Variants in GABBR2 observed in about 807,000 individuals in gnomAD.
GABBR2 encodes G-protein coupled receptor 51.
GABBR2 carries 23 observed loss-of-function variants against 105.6 expected under a neutral mutation model. That is an observed-to-expected ratio of 0.22 (90% CI 0.16 to 0.31). GABBR2 has a LOEUF of 0.31. Ranked by LOEUF, GABBR2 falls within the 10% of genes least tolerant of loss-of-function variation. The pLI is 1.00. For synonymous variants in GABBR2, 478 were observed against 499.7 expected, an observed-to-expected ratio of 0.96 and a Z score of 0.58; for missense variants, 734 against 1,245.5, an observed-to-expected ratio of 0.59 and a Z score of 6.18.
intron 13 of GABBR2, among the ~76,000 whole-genome samples, chr9:98,338,888 A>G (rs1831161451): frequency 2.0e-5 from 3 of 152,254 alleles, no homozygotes; most frequent in Admixed American, 6.5e-5. Context: ...CAAAATATCT[A>G]TGAAATGTTG....
chr9:98,383,018 G>GT (rs879906058), intron 11 of GABBR2, among the ~76,000 whole-genome samples: 2 of 151,988 alleles, frequency 1.3e-5, no homozygotes, highest in African/African-American at 4.8e-5. Context: ...TCGGCTCACT[G>GT]TAACCCCTGC....
chr9:98,489,473 C>T (rs1479991461), intron 4 of GABBR2, among the ~76,000 whole-genome samples: 1 of 152,232 alleles, frequency 6.6e-6, no homozygotes, highest in African/African-American at 2.4e-5. Context: ...CACAATCTTT[C>T]AGCTTTGCTT....
chr9:98,678,617 A>G (rs1420124883), intron 1 of GABBR2, among the ~76,000 whole-genome samples: 1 of 152,218 alleles, frequency 6.6e-6, no homozygotes, highest in Non-Finnish European at 1.5e-5. Context: ...AAACGGGATG[A>G]AATGAAATGT....
chr9:98,517,378 C>A (rs1044114642), intron 3 of GABBR2, among the ~76,000 whole-genome samples: 2 of 152,244 alleles, frequency 1.3e-5, no homozygotes, highest in East Asian at 3.9e-4. Context: ...CAAGAGAGTC[C>A]CTCTCCTGGC....
intron 1 of GABBR2, among the ~76,000 whole-genome samples, chr9:98,605,078 C>G (rs982536694): frequency 1.3e-5 from 2 of 152,234 alleles, no homozygotes; most frequent in Non-Finnish European, 2.9e-5. Flanking sequence ...AGACAAGATA[C>G]GTACATGGCA....
Position 98,388,756 on chromosome 9 carries a change from G to T in GABBR2, c.1529+98C>A. 1 of 986,268 alleles carries T rather than the reference G, an allele frequency of 1.0e-6. No homozygotes were observed. The highest frequency in any genetic ancestry group is 1.5e-6 in the Non-Finnish European group (1 of 666,268). The allele number at this position is 986,268 out of a possible 1,614,324, so 61.1% of individuals were successfully genotyped here. A position where few individuals can be genotyped will look rare whatever the true frequency, so the allele number is the denominator to read the frequency against. On this transcript the variant is annotated intron_variant, in intron 10 of 18. Transcript: ENST00000259455. The surrounding 1 kb of genome is among the most constrained non-coding windows in gnomAD (Gnocchi z 4.4). ...GGGAAACTCTGCCCTGCAGACTTCTGTGTCCCTGGGGAATCTGTCATGTGG... is the reference window on the plus strand; with the variant it reads ...GGGAAACTCTGCCCTGCAGACTTCTTTGTCCCTGGGGAATCTGTCATGTGG...
intron 1 of GABBR2, among the ~76,000 whole-genome samples, chr9:98,580,622 T>C (rs1828987432): frequency 6.6e-6 from 1 of 152,136 alleles, no homozygotes; most frequent in South Asian, 2.1e-4. Flanking sequence ...ACCCCGTCTC[T>C]ATTAAAAATA....
chr9:98,467,466 G>T, intron 6 of GABBR2, among the ~76,000 whole-genome samples: 1 of 152,198 alleles, frequency 6.6e-6, no homozygotes. Flanking sequence ...GAGCTTTGTG[G>T]GGGGTAGGGG....
At position 98,505,765 on chromosome 9, in the gene GABBR2, T is replaced by C. The variant is rs184395371; in HGVS notation, c.631-9251A>G. Among the ~76,000 whole-genome samples the C allele has an allele frequency of 1.7e-3, 254 of 152,314 alleles. 1 individual carries two copies. The highest frequency in any genetic ancestry group is 1.9e-3 in the Non-Finnish European group (132 of 68,024). On this transcript the variant is annotated intron_variant, in intron 3 of 18. Coordinates refer to ENST00000259455, the MANE Select transcript of GABBR2 (RefSeq NM_005458.8). The stretch of plus-strand genomic sequence containing the variant: ...GATGCATCTGCCGGCAAGGAGCACC[T>C]GGAGCCACCAGAAGCTGGGAGATGC...
chr9:98,496,752 C>G (rs1371314235), intron 3 of GABBR2, among the ~76,000 whole-genome samples: 1 of 152,198 alleles, frequency 6.6e-6, no homozygotes, highest in Non-Finnish European at 1.5e-5. Context: ...AGGGACTTTC[C>G]AAGATTGCCC....
intron 3 of GABBR2, among the ~76,000 whole-genome samples, chr9:98,539,688 T>A (rs1170893527): frequency 6.6e-6 from 1 of 151,794 alleles, no homozygotes; most frequent in Admixed American, 6.6e-5. Flanking sequence ...GAAGCTGAGG[T>A]GAGCAGATCA....
At chr9:98,694,551 G>A (rs1157525031) in intron 1 of GABBR2, among the ~76,000 whole-genome samples, 1 of 152,170 alleles carries the variant, frequency 6.6e-6, no homozygotes, top group Non-Finnish European at 1.5e-5. Context: ...TCCTTTATTA[G>A]GGGGTTAAAT....
intron 1 of GABBR2, among the ~76,000 whole-genome samples, chr9:98,675,775 G>A (rs12341571): frequency 6.6e-6 from 1 of 152,070 alleles, no homozygotes; most frequent in South Asian, 2.1e-4. Context: ...CTTTTGCTTT[G>A]TATAAAGAGA....
intron 7 of GABBR2, among the ~76,000 whole-genome samples, chr9:98,446,960 G>A (rs1384233307): frequency 4.6e-5 from 7 of 152,140 alleles, no homozygotes; most frequent in African/African-American, 1.7e-4. Context: ...GCCCCAAGTG[G>A]TGTCAAATCT....
intron 7 of GABBR2, among the ~76,000 whole-genome samples, chr9:98,449,794 G>T (rs1037735417): frequency 6.6e-6 from 1 of 152,112 alleles, no homozygotes; most frequent in African/African-American, 2.4e-5. Flanking sequence ...ATGGAGGAGG[G>T]GAAGCATCCT....
chr9:98,447,450 C>A (rs1826153109), intron 7 of GABBR2, among the ~76,000 whole-genome samples: 1 of 151,936 alleles, frequency 6.6e-6, no homozygotes, highest in African/African-American at 2.4e-5. Flanking sequence ...TTAGTCTCTA[C>A]ATTGGAAAGT....
At chr9:98,607,191 T>C in intron 1 of GABBR2, 2 of 1,598,998 alleles carry the variant, frequency 1.3e-6, no homozygotes, top group Non-Finnish European at 1.7e-6. Context: ...GGAGATGCAG[T>C]GGATAATAGT....
At chr9:98,515,432 T>A (rs1199944426) in intron 3 of GABBR2, among the ~76,000 whole-genome samples, 1 of 152,210 alleles carries the variant, frequency 6.6e-6, no homozygotes, top group Non-Finnish European at 1.5e-5. Context: ...CTGCACTTTT[T>A]ATTAGCAGCT....
intron 1 of GABBR2, chr9:98,607,373 G>A (rs773899022): frequency 8.2e-5 from 57 of 695,938 alleles, no homozygotes; most frequent in Middle Eastern, 4.1e-4. Context: ...TTTATGAAGC[G>A]TTTGCATGAA....
Sources: gnomAD v4.1 joint callset for allele counts (sites outside exome capture counted in the v4.1 genomes callset) on GRCh38, gnomAD v4.1.1 for gene constraint, Gnocchi (gnomAD v3.1) non-coding constraint, MANE v1.5 for transcripts, NCBI Gene and HGNC (gene_info 2026-07-23, HGNC 2026-07-21) for gene names.